GSPT1: variants seen among roughly 807,000 people sequenced by gnomAD.
GSPT1 encodes G1 to S phase transition 1, also known as eukaryotic peptide chain release factor GTP-binding subunit ERF3A.
Under a neutral mutation model 72.5 loss-of-function variants are expected in GSPT1, and 20 were observed. The observed-to-expected ratio is 0.28, with a 90% CI of 0.19 to 0.40. GSPT1 has a LOEUF of 0.40. Among genes scored for constraint, GSPT1 ranks in the 10% least tolerant of loss-of-function variants. GSPT1 has a pLI of 1.00. For synonymous variants in GSPT1, 334 were observed against 293.5 expected (o/e 1.14, Z -1.41); for missense variants, 580 against 811.9 (o/e 0.71, Z 3.47).
At chr16:11,915,032 G>T in intron 1 of GSPT1, 1 of 1,290,552 alleles carries the variant, frequency 7.7e-7, no homozygotes, top group Non-Finnish European at 1.0e-6. Context: ...TGCGCCTCGT[G>T]GCAGGGATCC....
chr16:11,895,072 C>G (rs951156930), intron 4 of GSPT1, 85 bp from the exon 5 acceptor site: 8 of 786,474 alleles, frequency 1.0e-5, no homozygotes, highest in Non-Finnish European at 1.8e-5. Flanking sequence ...CTTTAACATA[C>G]ATAATTAAAT....
At chr16:11,897,353 G>A (rs1184623478) in intron 3 of GSPT1, among the ~76,000 whole-genome samples, 3 of 152,098 alleles carry the variant, frequency 2.0e-5, no homozygotes, top group African/African-American at 7.2e-5. Context: ...TTCGGAGGCC[G>A]AGGTGGGTGG....
chr16:11,895,150 G>T (rs1025033159), intron 4 of GSPT1, 163 bp from the exon 5 acceptor site: 7 of 554,936 alleles, frequency 1.3e-5, no homozygotes, highest in Non-Finnish European at 2.3e-5. Flanking sequence ...GAGCCTCAAG[G>T]CTGGGCTCGG....
chr16:11,883,432 G>A (rs1310099049), intron 10 of GSPT1, among the ~76,000 whole-genome samples: 2 of 113,264 alleles, frequency 1.8e-5, no homozygotes, highest in Non-Finnish European at 3.4e-5. Context: ...TGGCCAATAT[G>A]GCGAAACCCC....
chr16:11,890,648 A>G (rs1160060200), intron 6 of GSPT1: 1 of 152,790 alleles, frequency 6.5e-6, no homozygotes, highest in South Asian at 2.0e-4. Context: ...ACCACTGTCA[A>G]TAATTCCATT....
intron 5 of GSPT1, among the ~76,000 whole-genome samples, chr16:11,892,957 GA>G (rs2054288425): frequency 6.7e-6 from 1 of 150,314 alleles, no homozygotes; most frequent in Admixed American, 6.7e-5. Flanking sequence ...AGGAAGTTTT[GA>G]TGAATGACTA....
rs2054621468 is a variant in GSPT1, at chr16:11,915,500, T to C, written c.221A>G (p.Lys74Arg). Residue 74 changes from lysine (K) to arginine (R), a missense_variant, in exon 1 of 15, where the codon AAG becomes AGG. By Grantham distance (26) the Lys-to-Arg change is conservative (BLOSUM62 2). Coordinates refer to ENST00000434724, the MANE Select transcript of GSPT1 (RefSeq NM_002094.4). ...AFSRQLNVNA[K>R]PFVPNVHAAE... ...GGCGTGGACGTTGGGCACGAAGGGC[T>C]TGGCGTTGACGTTGAGTTGCCGGCT... 1 of 1,548,802 alleles carries C rather than the reference T, an allele frequency of 6.5e-7. No individual in the cohort carries two copies. Among genetic ancestry groups the C allele is most frequent in the Non-Finnish European group, 8.7e-7 (1 of 1,149,616 alleles).
intron 6 of GSPT1, 80 bp from the exon 7 acceptor site, chr16:11,887,830 A>C: frequency 1.1e-6 from 1 of 940,540 alleles, no homozygotes; most frequent in Non-Finnish European, 1.6e-6. Context: ...TAAAGATATA[A>C]TGGATGACAC....
chr16:11,903,692 A>G (rs2054446992), intron 1 of GSPT1, among the ~76,000 whole-genome samples: 1 of 151,944 alleles, frequency 6.6e-6, no homozygotes, highest in Non-Finnish European at 1.5e-5. Context: ...CCCTGTCTCC[A>G]AAAAAAAGGA....
chr16:11,875,690 C>T (rs2054039361), intron 14 of GSPT1, 71 bp downstream of exon 14: 1 of 1,093,214 alleles, frequency 9.1e-7, no homozygotes, highest in Non-Finnish European at 1.3e-6. Flanking sequence ...GTGTACTGTA[C>T]TGAGATGATG....
Position 11,915,932 on chromosome 16 carries a change from A to T in GSPT1, c.-212T>A. 1 of 758,094 alleles carries T rather than the reference A, an allele frequency of 1.3e-6. No individual in the cohort carries two copies. 47.0% of individuals were successfully genotyped at this position (758,094 alleles called of 1,614,324 possible). ...ACAGAGGCGGCGGCGGCGGCAGCTC[A>T]ACCCTCCTCCTCGTGTGTGTGAGCG... is the stretch of plus-strand genomic sequence containing the variant. On this transcript the variant is annotated 5_prime_UTR_variant, in exon 1 of 15. Coordinates refer to ENST00000434724, the MANE Select transcript of GSPT1 (RefSeq NM_002094.4).
intron 14 of GSPT1, among the ~76,000 whole-genome samples, chr16:11,874,066 T>G (rs1596453318): frequency 6.6e-6 from 1 of 152,298 alleles, no homozygotes; most frequent in South Asian, 2.1e-4. Context: ...TAATTCTATT[T>G]ATGGAGTGTC....
At chr16:11,902,118 C>T (rs1322964875) in intron 1 of GSPT1, among the ~76,000 whole-genome samples, 1 of 148,596 alleles carries the variant, frequency 6.7e-6, no homozygotes, top group African/African-American at 2.5e-5. Flanking sequence ...CACGGTGGCT[C>T]ATGCCTATAA....
intron 14 of GSPT1, among the ~76,000 whole-genome samples, chr16:11,875,212 AGGAAAG>A (rs137923362): frequency 0.015 from 2,221 of 151,710 alleles, 26 homozygotes; most frequent in African/African-American, 0.028. Flanking sequence ...GAAAGGGAAG[AGGAAAG>A]GGAAAGGGAA....
chr16:11,906,800 G>A (rs907762697), intron 1 of GSPT1, among the ~76,000 whole-genome samples: 2 of 152,230 alleles, frequency 1.3e-5, no homozygotes, highest in East Asian at 3.9e-4. Flanking sequence ...CTTAATAATA[G>A]GCACTTATCT....
chr16:11,909,570 T>C (rs1416382639), intron 1 of GSPT1, among the ~76,000 whole-genome samples: 1 of 152,098 alleles, frequency 6.6e-6, no homozygotes, highest in Non-Finnish European at 1.5e-5. Flanking sequence ...TAATACGAAA[T>C]AGACAAGTAC....
rs1184522163 is a variant in GSPT1 at position 11,870,043 on chromosome 16, G to C, written c.*3076C>G. ...AGCAAATATGAGTTACCTCGTTACA[G>C]TGAACAACCTGCACTGTTAGAGTTT... On this transcript the variant is annotated 3_prime_UTR_variant, in exon 15 of 15. Transcript: ENST00000434724. The C allele has an allele frequency of 6.6e-6, 1 of 152,086 alleles. No homozygotes were observed. The highest frequency in any genetic ancestry group is 6.6e-5 in the Admixed American group (1 of 15,254). The allele number at this position is 152,086 out of a possible 1,614,324, so 9.4% of individuals were successfully genotyped here. A position where few individuals can be genotyped will look rare whatever the true frequency, so the allele number is the denominator to read the frequency against.
At chr16:11,907,789 C>G (rs13335725) in intron 1 of GSPT1, among the ~76,000 whole-genome samples, 1 of 152,306 alleles carries the variant, frequency 6.6e-6, no homozygotes, top group East Asian at 1.9e-4. Context: ...CTGCTAGGGT[C>G]GTATCCAGCG....
Position 11,870,991 on chromosome 16 carries a change from G to C in GSPT1, c.*2128C>G, listed in dbSNP as rs2053971973. ...AGAAAGGGAACTCTTATCTCTGGAA[G>C]TGATTTCCGTGGCTCTTGAACTTTT... On this transcript the variant is annotated 3_prime_UTR_variant, in exon 15 of 15. Coordinates refer to ENST00000434724, the MANE Select transcript of GSPT1 (RefSeq NM_002094.4). 1 of 152,176 alleles carries C rather than the reference G, an allele frequency of 6.6e-6. No homozygotes were observed. The highest frequency in any genetic ancestry group is 1.5e-5 in the Non-Finnish European group (1 of 68,036). 9.4% of individuals were successfully genotyped at this position (152,176 alleles called of 1,614,324 possible). A position where few individuals can be genotyped will look rare whatever the true frequency, so the allele number is the denominator to read the frequency against.
Sources: allele counts gnomAD v4.1 joint callset (sites outside exome capture counted in the v4.1 genomes callset), GRCh38; gene constraint gnomAD v4.1.1; transcripts MANE v1.5; gene names NCBI Gene and HGNC (gene_info 2026-07-23, HGNC 2026-07-21).